FHOD3: variants seen among roughly 807,000 people sequenced by gnomAD.
FHOD3 encodes the protein FH1/FH2 domain-containing protein 3.
FHOD3 carries 90 observed loss-of-function variants against 173.0 expected under a neutral mutation model. That is an observed-to-expected ratio of 0.52 (90% CI 0.44 to 0.62). The LOEUF (loss-of-function observed/expected upper bound fraction) is 0.62. Ranked by LOEUF, FHOD3 falls within the 20% of genes least tolerant of loss-of-function variation. The pLI is 0.00. For missense variants in FHOD3, 1,945 were observed against 2,034.7 expected (o/e 0.96, Z 0.85); for synonymous variants, 828 against 823.0 (o/e 1.01, Z -0.10).
At chr18:36,350,992 C>G (rs2046098656) in intron 1 of FHOD3, among the ~76,000 whole-genome samples, 1 of 152,154 alleles carries the variant, frequency 6.6e-6, no homozygotes, top group Non-Finnish European at 1.5e-5. Context: ...GCACTGTGTT[C>G]TTCCTCCTTG....
intron 2 of FHOD3, among the ~76,000 whole-genome samples, chr18:36,367,357 C>A (rs929754719): frequency 1.3e-5 from 2 of 152,252 alleles, no homozygotes; most frequent in Non-Finnish European, 2.9e-5. Context: ...CTGCCTGCTC[C>A]AAAGAGTGGC....
intron 5 of FHOD3, among the ~76,000 whole-genome samples, chr18:36,525,040 G>A (rs535449177): frequency 6.6e-6 from 1 of 152,150 alleles, no homozygotes; most frequent in African/African-American, 2.4e-5. Context: ...TTCTAAGGTG[G>A]CCCAGAAGAT....
chr18:36,534,346 T>A (rs1318565440), intron 5 of FHOD3, among the ~76,000 whole-genome samples: 1 of 152,134 alleles, frequency 6.6e-6, no homozygotes, highest in Non-Finnish European at 1.5e-5. Flanking sequence ...CCAGCTGTGG[T>A]TGGGACAGGG....
intron 16 of FHOD3, among the ~76,000 whole-genome samples, chr18:36,691,502 T>C (rs1357051014): frequency 2.0e-5 from 3 of 152,196 alleles, no homozygotes; most frequent in Non-Finnish European, 4.4e-5. Context: ...ACCCTTAAAA[T>C]TGTTTTCTTT....
chr18:36,637,747 T>C (rs2848921), intron 10 of FHOD3, among the ~76,000 whole-genome samples: 129,871 of 152,206 alleles, frequency 0.85, 55,598 homozygotes, highest in East Asian at 1. Context: ...TACAGGGATA[T>C]GAGAATATAT....
chr18:36,343,383 T>C (rs1368943523), intron 1 of FHOD3, among the ~76,000 whole-genome samples: 3 of 152,188 alleles, frequency 2.0e-5, no homozygotes, highest in South Asian at 2.1e-4. Flanking sequence ...TAAAACATTA[T>C]GCTTAGTGAA....
chr18:36,369,204 A>T (rs1004016733), intron 2 of FHOD3, among the ~76,000 whole-genome samples: 1 of 152,204 alleles, frequency 6.6e-6, no homozygotes, highest in Non-Finnish European at 1.5e-5. Flanking sequence ...AAAGGCAGGG[A>T]TAAAATGATT....
At chr18:36,306,130 C>T (rs1272515325) in intron 1 of FHOD3, among the ~76,000 whole-genome samples, 1 of 152,184 alleles carries the variant, frequency 6.6e-6, no homozygotes, top group Non-Finnish European at 1.5e-5. Context: ...GGCTGTGGTC[C>T]TCTGATTTCA....
intron 17 of FHOD3, among the ~76,000 whole-genome samples, chr18:36,705,918 A>C (rs2039851129): frequency 6.6e-6 from 1 of 151,628 alleles, no homozygotes; most frequent in South Asian, 2.1e-4. Context: ...AGAGGGCAGC[A>C]GACCTGGCTT....
intron 21 of FHOD3, among the ~76,000 whole-genome samples, chr18:36,741,932 C>T (rs1326618039): frequency 1.3e-5 from 2 of 152,004 alleles, no homozygotes; most frequent in East Asian, 3.9e-4. Flanking sequence ...GAGAGGAAGA[C>T]ACCTAGGGAT....
Position 36,665,495 on chromosome 18 carries a change from G to A in FHOD3, c.1835+7307G>A, listed in dbSNP as rs553338314. On this transcript the variant is annotated intron_variant, in intron 14 of 28. Transcript: ENST00000590592. ...GGGGGCCTAGCACAGGTGCTCTGTT[G>A]TTGTGGGGGATACCCCTGGCAAAAG... 1.2e-4 allele frequency among the ~76,000 whole-genome samples: 18 copies of A among 152,236 alleles called. No homozygotes were observed. The South Asian group carries it at 3.3e-3, about 28-fold the overall frequency.
At chr18:36,653,658 C>A (rs1284576129) in intron 13 of FHOD3, among the ~76,000 whole-genome samples, 1 of 152,120 alleles carries the variant, frequency 6.6e-6, no homozygotes, top group Non-Finnish European at 1.5e-5. Flanking sequence ...CAACAGGTGT[C>A]CACCTGTATT....
At chr18:36,638,102 CAA>C (rs932286960) in intron 10 of FHOD3, among the ~76,000 whole-genome samples, 5 of 152,026 alleles carry the variant, frequency 3.3e-5, no homozygotes, top group African/African-American at 1.2e-4. Flanking sequence ...CTTCCTTTCT[CAA>C]AGGGAGTATG....
chr18:36,389,422 G>A (rs1040836909), intron 3 of FHOD3, among the ~76,000 whole-genome samples: 1 of 152,164 alleles, frequency 6.6e-6, no homozygotes, highest in African/African-American at 2.4e-5. Flanking sequence ...TGCAAACAGT[G>A]TCACCTGTGA....
At chr18:36,728,868 C>T (rs539564973) in intron 19 of FHOD3, among the ~76,000 whole-genome samples, 4 of 152,302 alleles carry the variant, frequency 2.6e-5, no homozygotes, top group African/African-American at 9.6e-5. Flanking sequence ...GTCAGTTGCT[C>T]AGTGGGAACC....
chr18:36,612,997 A>T (rs878981575), intron 9 of FHOD3, among the ~76,000 whole-genome samples: 1 of 152,200 alleles, frequency 6.6e-6, no homozygotes, highest in African/African-American at 2.4e-5. Context: ...TTTCAGCATA[A>T]GTTGTTGTCT....
chr18:36,626,793 T>C (rs1030170188), intron 10 of FHOD3, among the ~76,000 whole-genome samples: 6 of 151,880 alleles, frequency 4.0e-5, no homozygotes, highest in Admixed American at 6.6e-5. Flanking sequence ...TAAGAAAGAG[T>C]GATCAAGATA....
At chr18:36,598,591 C>T (rs967827749) in intron 7 of FHOD3, among the ~76,000 whole-genome samples, 3 of 151,680 alleles carry the variant, frequency 2.0e-5, no homozygotes, top group African/African-American at 4.8e-5. Context: ...CTTGCTGTGT[C>T]GCCCAGGCTG....
At chr18:36,526,356 C>T (rs1382897878) in intron 5 of FHOD3, among the ~76,000 whole-genome samples, 1 of 152,144 alleles carries the variant, frequency 6.6e-6, no homozygotes, top group Non-Finnish European at 1.5e-5. Flanking sequence ...GTAGTTCAAT[C>T]CTGTATCATT....
Sources: gnomAD v4.1 joint callset for allele counts (sites outside exome capture counted in the v4.1 genomes callset) on GRCh38, gnomAD v4.1.1 for gene constraint, MANE v1.5 for transcripts, NCBI Gene and HGNC (gene_info 2026-07-23, HGNC 2026-07-21) for gene names.